The following PTPRG variants were observed in gnomAD, a reference collection of about 807,000 sequenced individuals.
PTPRG encodes receptor-type tyrosine-protein phosphatase gamma.
A neutral mutation model predicts 165.3 loss-of-function variants in PTPRG; 102 were observed. That is an observed-to-expected ratio of 0.62 (90% confidence interval 0.53 to 0.73). The LOEUF (loss-of-function observed/expected upper bound fraction) is 0.73. Among genes scored for constraint, PTPRG ranks in the 30% least tolerant of loss-of-function variants. The probability of loss-of-function intolerance (pLI) is 0.00; values close to 1 mark genes in which losing one functional copy is unlikely to be tolerated. For synonymous variants in PTPRG, 675 were observed against 669.5 expected (o/e 1.01, Z -0.13); for missense variants, 1,866 against 1,861.4 (o/e 1.00, Z -0.05).
chr3:62,051,756 A>G (rs1700475405), intron 4 of PTPRG, among the ~76,000 whole-genome samples: 1 of 152,218 alleles, frequency 6.6e-6, no homozygotes, highest in South Asian at 2.1e-4. Context: ...AAGCTGTGTT[A>G]ATATTTGATG....
chr3:62,074,081 G>C (rs960100701), intron 4 of PTPRG, among the ~76,000 whole-genome samples: 2 of 152,128 alleles, frequency 1.3e-5, no homozygotes, highest in African/African-American at 4.8e-5. Flanking sequence ...TTATGTAAGA[G>C]AATGTCCTTA....
intron 2 of PTPRG, among the ~76,000 whole-genome samples, chr3:61,984,469 C>T (rs2040710260): frequency 6.6e-6 from 1 of 152,198 alleles, no homozygotes; most frequent in Non-Finnish European, 1.5e-5. Flanking sequence ...CAGTGCCCAT[C>T]TCCCTCATCT....
chr3:62,193,477 G>A (rs188596824), intron 9 of PTPRG, among the ~76,000 whole-genome samples: 9 of 152,302 alleles, frequency 5.9e-5, no homozygotes, highest in South Asian at 2.1e-4. Context: ...ATTCCTCAGC[G>A]AGTGAAGAGT....
chr3:61,770,527 G>A (rs1449216714), intron 2 of PTPRG: 4 of 152,234 alleles, frequency 2.6e-5, no homozygotes, highest in Non-Finnish European at 4.4e-5. Context: ...ATATATATTT[G>A]TGTGGTGGTA....
chr3:62,285,690 A>T (rs1702625732), intron 28 of PTPRG, among the ~76,000 whole-genome samples: 1 of 152,186 alleles, frequency 6.6e-6, no homozygotes, highest in African/African-American at 2.4e-5. Flanking sequence ...GTTCAAGATT[A>T]TTCTGCTCAG....
chr3:61,728,527 G>C (rs2032354074), intron 1 of PTPRG, among the ~76,000 whole-genome samples: 1 of 152,114 alleles, frequency 6.6e-6, no homozygotes, highest in African/African-American at 2.4e-5. Flanking sequence ...AGGCTGCAGT[G>C]ATCTCTGATT....
intron 14 of PTPRG, among the ~76,000 whole-genome samples, chr3:62,243,382 T>C (rs1477290286): frequency 2.0e-5 from 3 of 152,100 alleles, no homozygotes; most frequent in African/African-American, 7.2e-5. Flanking sequence ...CTTGGGCTGT[T>C]TGATGACGAT....
intron 8 of PTPRG, among the ~76,000 whole-genome samples, chr3:62,176,485 G>C (rs1335290475): frequency 6.6e-6 from 1 of 152,106 alleles, no homozygotes; most frequent in African/African-American, 2.4e-5. Context: ...TCTGTGTTTT[G>C]GATGTCATCG....
intron 7 of PTPRG, among the ~76,000 whole-genome samples, chr3:62,159,403 T>C (rs77561616): frequency 0.051 from 7,747 of 152,228 alleles, 617 homozygotes; most frequent in African/African-American, 0.17. Context: ...TAGAATTCCA[T>C]GTAAGGAGAG....
At chr3:61,583,692 G>GAT (rs150585138) in intron 1 of PTPRG, among the ~76,000 whole-genome samples, 3,878 of 152,078 alleles carry the variant, frequency 0.026, 59 homozygotes, top group African/African-American at 0.041. Context: ...GGCTGGGCTC[G>GAT]ATACACCTTT....
chr3:62,067,441 G>C (rs1182741259), intron 4 of PTPRG, among the ~76,000 whole-genome samples: 1 of 151,954 alleles, frequency 6.6e-6, no homozygotes, highest in Non-Finnish European at 1.5e-5. Flanking sequence ...ATTTTTCCAC[G>C]GACCTTGTCC....
intron 1 of PTPRG, among the ~76,000 whole-genome samples, chr3:61,655,070 AGCCACCGCACCCG>A (rs1702472930): frequency 6.6e-6 from 1 of 152,018 alleles, no homozygotes; most frequent in South Asian, 2.1e-4. Context: ...TACAGGCGTG[AGCCACCGCACCCG>A]GCCACCTGCG....
chr3:61,716,301 G>C (rs1204227851), intron 1 of PTPRG, among the ~76,000 whole-genome samples: 1 of 152,112 alleles, frequency 6.6e-6, no homozygotes, highest in Non-Finnish European at 1.5e-5. Flanking sequence ...TACCCATAGA[G>C]TCCTAATATC....
chr3:62,292,726 T>C (rs935405418), intron 29 of PTPRG, 170 bp downstream of exon 29: 6 of 688,358 alleles, frequency 8.7e-6, no homozygotes, highest in East Asian at 2.7e-5. Context: ...ATCTAGAGGA[T>C]ACAAGCCAGA....
chr3:61,767,795 C>A (rs985327040), intron 2 of PTPRG, among the ~76,000 whole-genome samples: 7 of 151,694 alleles, frequency 4.6e-5, no homozygotes, highest in African/African-American at 1.7e-4. Context: ...ATAGTGGGAT[C>A]CCGTTTGTAC....
chr3:62,011,496 G>A (rs1455207098), intron 4 of PTPRG, among the ~76,000 whole-genome samples: 2 of 152,194 alleles, frequency 1.3e-5, no homozygotes, highest in Non-Finnish European at 2.9e-5. Context: ...TGGTTATCTG[G>A]TGTTTGCTAT....
intron 2 of PTPRG, among the ~76,000 whole-genome samples, chr3:61,870,491 T>C (rs2037536657): frequency 7.7e-6 from 1 of 130,654 alleles, no homozygotes. Context: ...TTTTTTTTTT[T>C]TTTTTTTTTT....
intron 4 of PTPRG, among the ~76,000 whole-genome samples, chr3:62,016,682 A>G (rs1383639582): frequency 1.3e-5 from 2 of 152,260 alleles, no homozygotes; most frequent in Non-Finnish European, 2.9e-5. Flanking sequence ...AAACACTTGG[A>G]TTGCATTACA....
intron 2 of PTPRG, among the ~76,000 whole-genome samples, chr3:61,980,443 C>T (rs193023357): frequency 2.0e-5 from 3 of 152,200 alleles, no homozygotes; most frequent in African/African-American, 7.2e-5. Flanking sequence ...TCTTTAAAAC[C>T]TTAGCCAAGT....
Sources: gnomAD v4.1 joint callset for allele counts (sites outside exome capture counted in the v4.1 genomes callset) on GRCh38, gnomAD v4.1.1 for gene constraint, MANE v1.5 for transcripts, NCBI Gene and HGNC (gene_info 2026-07-23, HGNC 2026-07-21) for gene names.